Variants in USP40 observed in about 807,000 individuals in gnomAD.
USP40 encodes ubiquitin carboxyl-terminal hydrolase 40.
A neutral mutation model predicts 166.2 loss-of-function variants in USP40; 143 were observed. The observed-to-expected ratio is 0.86, with a 90% CI of 0.75 to 0.99. The LOEUF (loss-of-function observed/expected upper bound fraction) is 0.99, where lower values mean the gene tolerates loss of function less well. Ranked by LOEUF, USP40 falls within the 50% of genes least tolerant of loss-of-function variation. The pLI, the probability that USP40 is intolerant of heterozygous loss-of-function variation, is 0.00. For missense variants in USP40, 1,444 were observed against 1,479.7 expected, an observed-to-expected ratio of 0.98 and a Z score of 0.40; for synonymous variants, 498 against 524.0, an observed-to-expected ratio of 0.95 and a Z score of 0.68.
chr2:233,531,030 T>C (rs192725056), intron 11 of USP40, among the ~76,000 whole-genome samples: 57 of 152,264 alleles, frequency 3.7e-4, no homozygotes, highest in Admixed American at 1.1e-3. Context: ...AACTATAATT[T>C]CATTTAAGTG....
intron 2 of USP40, among the ~76,000 whole-genome samples, chr2:233,563,667 CTAT>C (rs1209961607): frequency 3.9e-5 from 6 of 152,240 alleles, no homozygotes; most frequent in African/African-American, 1.4e-4. Context: ...CAATGTAGCC[CTAT>C]TATTTAAAAT....
intron 2 of USP40, among the ~76,000 whole-genome samples, chr2:233,563,939 G>T (rs772858224): frequency 6.6e-6 from 1 of 152,068 alleles, no homozygotes; most frequent in Non-Finnish European, 1.5e-5. Context: ...GTCCCTTTGA[G>T]GCTACGTTTC....
chr2:233,510,462 G>C (rs1338066915), intron 20 of USP40, among the ~76,000 whole-genome samples: 1 of 136,284 alleles, frequency 7.3e-6, no homozygotes, highest in African/African-American at 2.8e-5. Context: ...GAGTGCAGTG[G>C]AGCGATCTTG....
chr2:233,488,698 G>A (rs1174793049), intron 27 of USP40, among the ~76,000 whole-genome samples: 1 of 152,194 alleles, frequency 6.6e-6, no homozygotes, highest in African/African-American at 2.4e-5. Flanking sequence ...AGGATTGCTT[G>A]AGGCTAGGAG....
At chr2:233,502,119 T>G (rs1483401760) in intron 21 of USP40, among the ~76,000 whole-genome samples, 1 of 152,198 alleles carries the variant, frequency 6.6e-6, no homozygotes. Context: ...TGACATAAGC[T>G]GTTTCAGTGA....
chr2:233,502,708 C>T (rs1176167107), intron 21 of USP40, among the ~76,000 whole-genome samples: 1 of 152,050 alleles, frequency 6.6e-6, no homozygotes, highest in Non-Finnish European at 1.5e-5. Context: ...AACCATGTCA[C>T]CTCTGTCACA....
At chr2:233,544,848 G>T (rs2069761011) in intron 8 of USP40, among the ~76,000 whole-genome samples, 1 of 152,150 alleles carries the variant, frequency 6.6e-6, no homozygotes, top group South Asian at 2.1e-4. Context: ...GGATGAAGGG[G>T]GAAAAATGTC....
At chr2:233,485,392 C>T in intron 30 of USP40, 139 bp downstream of exon 30, 4 of 735,072 alleles carry the variant, frequency 5.4e-6, no homozygotes, top group South Asian at 4.0e-5. Context: ...TCCAGTTTTC[C>T]CTCTTTTTTA....
intron 4 of USP40, among the ~76,000 whole-genome samples, chr2:233,558,785 G>GT (rs1236015608): frequency 8.6e-5 from 13 of 151,894 alleles, no homozygotes; most frequent in African/African-American, 1.2e-4. Context: ...TCAATACAGT[G>GT]TTTTTTTTGT....
chr2:233,513,892 A>G (rs1191428138), intron 18 of USP40, among the ~76,000 whole-genome samples: 1 of 152,198 alleles, frequency 6.6e-6, no homozygotes, highest in Non-Finnish European at 1.5e-5. Flanking sequence ...TATAGACAAC[A>G]ATAGTCTGAG....
intron 15 of USP40, 136 bp downstream of exon 15, chr2:233,524,356 C>G: frequency 1.7e-6 from 1 of 588,600 alleles, no homozygotes; most frequent in East Asian, 3.9e-5. Context: ...TCTTGAATTC[C>G]TGACCTCAGG....
chr2:233,523,484 A>C lies in USP40; in HGVS notation c.1887T>G (p.Gly629=). 3 of 1,611,892 alleles carry C rather than the reference A, an allele frequency of 1.9e-6. No homozygotes were observed. The highest frequency in any genetic ancestry group is 2.5e-6 in the Non-Finnish European group (3 of 1,178,550). ...CAATACCAGTTTGAATGTGGACTCC[A>C]CCAACCTGCAATCATACCAAGACAA... is the stretch of plus-strand genomic sequence containing the variant. ...DIFVWNGVEV[G]GVHIQTGIDC... Residue 629 remains glycine, a synonymous_variant, in exon 16 of 32, where the codon GGT becomes GGG. Transcript: ENST00000678225.
chr2:233,491,248 G>T lies in USP40; in HGVS notation c.2931C>A (p.Asn977Lys). The T allele has an allele frequency of 1.2e-6, 2 of 1,611,408 alleles. No individual in the cohort carries two copies. The highest frequency in any genetic ancestry group is 1.7e-6 in the Non-Finnish European group (2 of 1,178,714). Reference protein sequence around the residue: ...RATSSQGASGNEPAQVSLLYL... With the variant: ...RATSSQGASGKEPAQVSLLYL... ...AGAGGAGAGAAACTTGCGCAGGCTC[G>T]TTCCCAGAAGCACCTTCCAAAGGAC... The change falls in exon 26 of 32, where the codon AAC (asparagine) becomes AAA (lysine). Residue 977 changes from asparagine to lysine, a missense_variant. Physicochemically the swap from Asn to Lys is moderately conservative, Grantham distance 94. Transcript: ENST00000678225.
Position 233,516,538 on chromosome 2 carries a change from A to G in USP40, c.2383+3076T>C, listed in dbSNP as rs1234376051. On this transcript the variant is annotated intron_variant, in intron 18 of 31. Transcript: ENST00000678225. ...CGGTGAAACCCTGTCTCCACTAAAA[A>G]TTAGCCGGGCCTGGTGGCGGGCACC... is the stretch of plus-strand genomic sequence containing the variant. 3.3e-5 allele frequency among the ~76,000 whole-genome samples: 5 copies of G among 152,088 alleles called. No homozygotes were observed. In the South Asian group the frequency reaches 1.0e-3, roughly 32 times the overall value.
chr2:233,477,318 C>G lies in USP40; in HGVS notation c.*74G>C. On this transcript the variant is annotated 3_prime_UTR_variant, in exon 32 of 32. Transcript: ENST00000678225. Reference sequence around the variant, plus strand: ...GATTGGAGGCGCCAGGCAGCCAGTCCCCATGCCCAGGAAACCCACGTTTGT... The same window carrying G: ...GATTGGAGGCGCCAGGCAGCCAGTCGCCATGCCCAGGAAACCCACGTTTGT... 7.1e-7 allele frequency: 1 copy of G among 1,404,156 alleles called. No homozygotes were observed. The highest frequency in any genetic ancestry group is 9.9e-7 in the Non-Finnish European group (1 of 1,012,200). The allele number at this position is 1,404,156 out of a possible 1,614,324, so 87.0% of individuals were successfully genotyped here. A position where few individuals can be genotyped will look rare whatever the true frequency, so the allele number is the denominator to read the frequency against.
intron 28 of USP40, among the ~76,000 whole-genome samples, chr2:233,487,410 T>C (rs895385024): frequency 6.6e-6 from 1 of 152,214 alleles, no homozygotes; most frequent in Non-Finnish European, 1.5e-5. Flanking sequence ...TTAACTATTT[T>C]AAGAGGTTTA....
At chr2:233,551,757 G>A (rs549799520) in intron 6 of USP40, among the ~76,000 whole-genome samples, 1 of 152,264 alleles carries the variant, frequency 6.6e-6, no homozygotes, top group African/African-American at 2.4e-5. Context: ...TATCTTTAAT[G>A]TTGATATCCT....
intron 2 of USP40, among the ~76,000 whole-genome samples, chr2:233,564,722 T>C (rs1254316266): frequency 6.6e-6 from 1 of 152,170 alleles, no homozygotes; most frequent in East Asian, 1.9e-4. Context: ...ATATATAAAA[T>C]GTTACATTCC....
At chr2:233,489,267 G>T in intron 27 of USP40, 98 bp downstream of exon 27, 2 of 1,180,264 alleles carry the variant, frequency 1.7e-6, no homozygotes, top group Non-Finnish European at 2.5e-6. Flanking sequence ...GGGCTTTGTT[G>T]TCACTCAGCT....
Sources: allele counts gnomAD v4.1 joint callset (sites outside exome capture counted in the v4.1 genomes callset), GRCh38; gene constraint gnomAD v4.1.1; transcripts MANE v1.5; gene names NCBI Gene and HGNC (gene_info 2026-07-23, HGNC 2026-07-21).